The following HIVEP1 variants were observed in gnomAD, a reference collection of about 807,000 sequenced individuals.
HIVEP1 encodes zinc finger protein 40.
HIVEP1 carries 36 observed loss-of-function variants against 180.0 expected under a neutral mutation model. That is an observed-to-expected ratio of 0.20 (90% confidence interval 0.15 to 0.26). The LOEUF is 0.26. HIVEP1 is among the 10% of genes least tolerant of loss of function. HIVEP1 has a pLI of 1.00. For synonymous variants in HIVEP1, 1,239 were observed against 1,239.0 expected, an observed-to-expected ratio of 1.00 and a Z score of 0.00; for missense variants, 3,143 against 3,268.7, an observed-to-expected ratio of 0.96 and a Z score of 0.94.
intron 7 of HIVEP1, among the ~76,000 whole-genome samples, chr6:12,158,866 G>T (rs1469033204): frequency 6.6e-6 from 1 of 152,134 alleles, no homozygotes. Flanking sequence ...GTAGTTCCTT[G>T]CCACTCCTCT....
downstream of HIVEP1, among the ~76,000 whole-genome samples, chr6:12,169,199 A>G (rs1429834351): frequency 6.6e-6 from 1 of 151,946 alleles, no homozygotes; most frequent in Admixed American, 6.6e-5. Flanking sequence ...TGCATTTTTT[A>G]TTTAGGATAT....
In HIVEP1 at chr6:12,029,021, C is replaced by T. The variant is rs115774486; in HGVS notation, c.40+13353C>T. ...GATTAATCTGTGTCGTAGCATGTAT[C>T]AGGATCTTCCTTACCTTTTATCGCT... On this transcript the variant is annotated intron_variant, in intron 2 of 8. Coordinates refer to ENST00000379388, the MANE Select transcript of HIVEP1 (RefSeq NM_002114.4). Among the ~76,000 whole-genome samples the T allele has an allele frequency of 9.2e-3, 1,395 of 152,292 alleles. 14 individuals are homozygous for T. Among genetic ancestry groups the T allele is most frequent in the African/African-American group, 0.023 (952 of 41,536 alleles).
chr6:12,035,074 G>A (rs984169742), intron 2 of HIVEP1, among the ~76,000 whole-genome samples: 6 of 152,296 alleles, frequency 3.9e-5, no homozygotes, highest in Middle Eastern at 3.4e-3. Flanking sequence ...TTCTGGTTAC[G>A]GAAAGTGTGT....
At chr6:12,141,537 A>AT (rs1383558958) in intron 7 of HIVEP1, among the ~76,000 whole-genome samples, 1 of 152,010 alleles carries the variant, frequency 6.6e-6, no homozygotes, top group African/African-American at 2.4e-5. Context: ...TTTAATGTAA[A>AT]TGGGCTAAAT....
At chr6:12,115,930 G>T (rs1315294553) in intron 3 of HIVEP1, among the ~76,000 whole-genome samples, 1 of 151,396 alleles carries the variant, frequency 6.6e-6, no homozygotes, top group South Asian at 2.1e-4. Flanking sequence ...GCCTTCTACT[G>T]CTTGGTCTTT....
intron 1 of HIVEP1, among the ~76,000 whole-genome samples, chr6:12,014,093 TAAC>T (rs772604000): frequency 1.7e-4 from 26 of 152,216 alleles, no homozygotes; most frequent in Non-Finnish European, 2.8e-4. Context: ...TTAGTCCTTA[TAAC>T]AACCTTCTGA....
intron 3 of HIVEP1, among the ~76,000 whole-genome samples, chr6:12,107,052 T>A (rs906748922): frequency 2.6e-5 from 4 of 152,208 alleles, no homozygotes; most frequent in Non-Finnish European, 5.9e-5. Flanking sequence ...CCTCTTAACT[T>A]TTTTGAACTG....
intron 7 of HIVEP1, among the ~76,000 whole-genome samples, chr6:12,143,809 T>C (rs866825112): frequency 6.6e-6 from 1 of 152,164 alleles, no homozygotes; most frequent in African/African-American, 2.4e-5. Flanking sequence ...GAATAAAATA[T>C]CTAAGAATCC....
chr6:12,043,423 A>G (rs1301306101), intron 2 of HIVEP1, among the ~76,000 whole-genome samples: 4 of 139,848 alleles, frequency 2.9e-5, no homozygotes, highest in Non-Finnish European at 6.0e-5. Context: ...GTGCAATGGC[A>G]TGATCTCAGT....
chr6:12,076,311 G>A (rs1561915988), intron 2 of HIVEP1, among the ~76,000 whole-genome samples: 1 of 152,160 alleles, frequency 6.6e-6, no homozygotes, highest in Non-Finnish European at 1.5e-5. Context: ...TTGATTTGAA[G>A]TAGGGTATAC....
At chr6:12,184,174 T>C in the HIVEP1 span, among the ~76,000 whole-genome samples, 1 of 152,202 alleles carries the variant, frequency 6.6e-6, no homozygotes, top group African/African-American at 2.4e-5. Context: ...TACCTTTTCC[T>C]TTGGCTTCAA....
chr6:12,076,106 C>T (rs200745770), intron 2 of HIVEP1, among the ~76,000 whole-genome samples: 1,429 of 137,442 alleles, frequency 0.01, 22 homozygotes, highest in African/African-American at 0.037. Flanking sequence ...TGTCTTATAG[C>T]TTTTTTACCA....
At chr6:12,057,562 C>G (rs1381080860) in intron 2 of HIVEP1, among the ~76,000 whole-genome samples, 1 of 152,120 alleles carries the variant, frequency 6.6e-6, no homozygotes, top group East Asian at 1.9e-4. Flanking sequence ...CTCCATTGTT[C>G]TGTTTTCTGT....
At chr6:12,210,626 G>T in the HIVEP1 span, among the ~76,000 whole-genome samples, 1 of 152,086 alleles carries the variant, frequency 6.6e-6, no homozygotes, top group Admixed American at 6.5e-5. Flanking sequence ...ATCATCTCCC[G>T]GCTTGCAGTA....
chr6:12,085,396 G>A (rs1217544748), intron 2 of HIVEP1, among the ~76,000 whole-genome samples: 1 of 152,088 alleles, frequency 6.6e-6, no homozygotes, highest in Admixed American at 6.6e-5. Flanking sequence ...TGATCTTGAA[G>A]AGAGAACAGA....
chr6:12,191,417 C>G, the HIVEP1 span, among the ~76,000 whole-genome samples: 1 of 151,806 alleles, frequency 6.6e-6, no homozygotes, highest in Non-Finnish European at 1.5e-5. Context: ...CGGGGAGACC[C>G]CAACTCTACA....
chr6:12,210,130 G>T, the HIVEP1 span, among the ~76,000 whole-genome samples: 5 of 151,894 alleles, frequency 3.3e-5, no homozygotes, highest in Non-Finnish European at 7.4e-5. Context: ...AGGAGTTTAT[G>T]GTACATGTGA....
intron 2 of HIVEP1, among the ~76,000 whole-genome samples, chr6:12,056,903 C>T (rs1770915036): frequency 6.6e-6 from 1 of 151,396 alleles, no homozygotes. Flanking sequence ...GTGGCATGAT[C>T]TTGGCTCACT....
chr6:12,149,115 T>TG (rs1422108875), intron 7 of HIVEP1, among the ~76,000 whole-genome samples: 1 of 152,176 alleles, frequency 6.6e-6, no homozygotes, highest in East Asian at 1.9e-4. Flanking sequence ...ACATCAGTAG[T>TG]GGGGTCCTGC....
Sources: allele counts gnomAD v4.1 joint callset (sites outside exome capture counted in the v4.1 genomes callset), GRCh38; gene constraint gnomAD v4.1.1; transcripts MANE v1.5; gene names NCBI Gene and HGNC (gene_info 2026-07-23, HGNC 2026-07-21).